The following GKAP1 variants were observed in gnomAD, a reference collection of about 807,000 sequenced individuals.
GKAP1 encodes the protein G kinase anchoring protein 1.
Under a neutral mutation model 56.7 loss-of-function variants are expected in GKAP1, and 31 were observed. The ratio of observed to expected loss-of-function variants is 0.55; its 90% CI spans 0.41 to 0.74. GKAP1 has a LOEUF of 0.74. Ranked by LOEUF, GKAP1 falls within the 30% of genes least tolerant of loss-of-function variation. The pLI is 0.00. For missense variants in GKAP1, 364 were observed against 402.3 expected (o/e 0.90, Z 0.82); for synonymous variants, 151 against 138.6 (o/e 1.09, Z -0.63).
intron 4 of GKAP1, among the ~76,000 whole-genome samples, chr9:83,793,756 G>A (rs543861719): frequency 1.8e-4 from 27 of 152,332 alleles, no homozygotes; most frequent in Middle Eastern, 3.4e-3. Flanking sequence ...GTTAGGATGA[G>A]AGTGATGTCA....
At chr9:83,801,862 T>C (rs1944336141) in intron 3 of GKAP1, among the ~76,000 whole-genome samples, 1 of 152,218 alleles carries the variant, frequency 6.6e-6, no homozygotes, top group Non-Finnish European at 1.5e-5. Flanking sequence ...GAGGAAAGTA[T>C]CTTTCCTTTA....
chr9:83,810,108 G>A (rs1564217595), intron 2 of GKAP1, among the ~76,000 whole-genome samples: 1 of 152,148 alleles, frequency 6.6e-6, no homozygotes, highest in Admixed American at 6.6e-5. Flanking sequence ...CACCGCAACT[G>A]CCCCAAATCC....
Position 83,806,579 on chromosome 9 carries a change from G to A in GKAP1, c.-43-19C>T, listed in dbSNP as rs563568677. ...ATAATTTCTGTGGGGAGGCAGAAGA[G>A]TAGGCAGATGGGTAAACAAACAGAG... On this transcript the variant is annotated intron_variant, in intron 2 of 12. Coordinates refer to ENST00000376371, the MANE Select transcript of GKAP1 (RefSeq NM_025211.4). 3.0e-6 allele frequency: 4 copies of A among 1,335,056 alleles called. No homozygotes were observed. The South Asian group carries it at 3.8e-5, about 13-fold the overall frequency. The allele number at this position is 1,335,056 out of a possible 1,614,324, so 82.7% of individuals were successfully genotyped here.
At chr9:83,781,812 G>GTT (rs1459634032) in intron 6 of GKAP1, among the ~76,000 whole-genome samples, 2 of 147,292 alleles carry the variant, frequency 1.4e-5, no homozygotes, top group Non-Finnish European at 3.0e-5. Context: ...TTCTTTCCAT[G>GTT]TTTCTGCCTA....
intron 9 of GKAP1, among the ~76,000 whole-genome samples, chr9:83,751,908 T>G (rs1283282865): frequency 2.0e-5 from 3 of 152,176 alleles, no homozygotes; most frequent in Non-Finnish European, 4.4e-5. Flanking sequence ...CATGGAAGTT[T>G]GGCAGTTCCT....
chr9:83,770,935 T>C (rs1035094700), intron 7 of GKAP1, among the ~76,000 whole-genome samples: 1 of 152,232 alleles, frequency 6.6e-6, no homozygotes, highest in African/African-American at 2.4e-5. Context: ...AAGATTTTTA[T>C]CACTGTCTAT....
intron 8 of GKAP1, among the ~76,000 whole-genome samples, chr9:83,762,683 A>G (rs911953906): frequency 4.6e-5 from 7 of 152,210 alleles, no homozygotes; most frequent in Non-Finnish European, 8.8e-5. Context: ...ATAACAAGGT[A>G]CTGGCATAAA....
At chr9:83,791,940 T>G (rs1031462439) in intron 4 of GKAP1, among the ~76,000 whole-genome samples, 3 of 152,198 alleles carry the variant, frequency 2.0e-5, no homozygotes, top group Admixed American at 6.5e-5. Context: ...AATGTTATAA[T>G]ATTAAGAATA....
intron 3 of GKAP1, among the ~76,000 whole-genome samples, chr9:83,801,787 T>G (rs908831628): frequency 2.0e-5 from 3 of 152,200 alleles, no homozygotes; most frequent in African/African-American, 7.2e-5. Flanking sequence ...TCTTAATTCC[T>G]AAAAGAAAAT....
At chr9:83,744,928 T>C (rs925108952) in intron 10 of GKAP1, among the ~76,000 whole-genome samples, 2 of 152,110 alleles carry the variant, frequency 1.3e-5, no homozygotes, top group African/African-American at 4.8e-5. Context: ...GAGAACTCAC[T>C]AACATGAGAA....
chr9:83,804,883 G>C (rs544664153), intron 3 of GKAP1, among the ~76,000 whole-genome samples: 1 of 149,994 alleles, frequency 6.7e-6, no homozygotes, highest in Non-Finnish European at 1.5e-5. Context: ...CGCCCCGTCC[G>C]GGAGGTGAGG....
Position 83,768,883 on chromosome 9 carries a change from T to G in GKAP1, c.673A>C (p.Lys225Gln). 6.2e-7 allele frequency: 1 copy of G among 1,612,428 alleles called. No individual in the cohort carries two copies. The highest frequency in any genetic ancestry group is 1.1e-5 in the South Asian group (1 of 91,040). Residue 225 changes from lysine (K) to glutamine (Q), a missense_variant, in exon 8 of 13, where the codon AAA becomes CAA. Transcript: ENST00000376371. Reference sequence around the variant, plus strand: ...TATTCTGTAAGCTGTTCTCTTCGTTTTTCTCTAATAAGAATTTTATGAACA... The same window carrying G: ...TATTCTGTAAGCTGTTCTCTTCGTTGTTCTCTAATAAGAATTTTATGAACA... ...DDVHKILIRE[K>Q]RREQLTEYNG... is the part of the protein sequence containing the mutation.
intron 7 of GKAP1, among the ~76,000 whole-genome samples, chr9:83,772,697 T>C (rs1443364426): frequency 6.6e-6 from 1 of 152,164 alleles, no homozygotes; most frequent in Non-Finnish European, 1.5e-5. Context: ...AAATCATGTA[T>C]CTGATAGAGG....
intron 7 of GKAP1, among the ~76,000 whole-genome samples, chr9:83,775,328 CCT>C (rs763940120): frequency 2.0e-5 from 3 of 152,096 alleles, no homozygotes; most frequent in Non-Finnish European, 4.4e-5. Context: ...TTGTATATTC[CCT>C]GTCATCGCCC....
chr9:83,739,851 C>A, intron 12 of GKAP1, 107 bp from the exon 13 acceptor site: 3 of 782,872 alleles, frequency 3.8e-6, no homozygotes, highest in South Asian at 1.8e-5. Context: ...GAGAAGGAAG[C>A]AATTTCTTTT....
chr9:83,752,231 G>A (rs570468784), intron 9 of GKAP1, among the ~76,000 whole-genome samples: 13 of 152,182 alleles, frequency 8.5e-5, no homozygotes, highest in Middle Eastern at 3.4e-3. Flanking sequence ...GTGAAACCCC[G>A]TCTCTACTAA....
At chr9:83,801,918 G>T (rs1009518726) in intron 3 of GKAP1, among the ~76,000 whole-genome samples, 1 of 152,118 alleles carries the variant, frequency 6.6e-6, no homozygotes, top group Non-Finnish European at 1.5e-5. Flanking sequence ...AGAAAGCAAT[G>T]GAGATGGAAA....
chr9:83,798,565 G>T (rs1944283130), intron 4 of GKAP1, among the ~76,000 whole-genome samples: 1 of 152,182 alleles, frequency 6.6e-6, no homozygotes, highest in Admixed American at 6.5e-5. Context: ...TGCCCAGGCT[G>T]GAGTGCAGTG....
At chr9:83,770,605 G>A (rs564984443) in intron 7 of GKAP1, among the ~76,000 whole-genome samples, 28 of 151,660 alleles carry the variant, frequency 1.8e-4, no homozygotes, top group East Asian at 1.9e-4. Context: ...TTGCCCAGGC[G>A]GAGTGCAATG....
Sources: allele counts gnomAD v4.1 joint callset (sites outside exome capture counted in the v4.1 genomes callset), GRCh38; gene constraint gnomAD v4.1.1; transcripts MANE v1.5; gene names NCBI Gene and HGNC (gene_info 2026-07-23, HGNC 2026-07-21).